The following STYX variants were observed in gnomAD, a reference collection of about 807,000 sequenced individuals.
The protein encoded by STYX is serine/threonine/tyrosine interacting protein.
Under a neutral mutation model 42.7 loss-of-function variants are expected in STYX, and 20 were observed. The ratio of observed to expected loss-of-function variants is 0.47; its 90% CI spans 0.33 to 0.68. The LOEUF (loss-of-function observed/expected upper bound fraction) is 0.68, where lower values mean the gene tolerates loss of function less well. STYX is among the 30% of genes least tolerant of loss of function. The pLI, the probability that STYX is intolerant of heterozygous loss-of-function variation, is 0.02. For synonymous variants in STYX, 78 were observed against 81.9 expected, an observed-to-expected ratio of 0.95 and a Z score of 0.26; for missense variants, 226 against 268.5, an observed-to-expected ratio of 0.84 and a Z score of 1.11.
rs993505734 is a variant in STYX, at chr14:52,771,890, T to G, written c.*784T>G. The stretch of plus-strand genomic sequence containing the variant: ...ATAGTGTTAGATTTTCGAGTGACTT[T>G]CCTTTTTGCATTTTTTGGCAGTAAA... On this transcript the variant is annotated 3_prime_UTR_variant, in exon 11 of 11. Coordinates refer to ENST00000354586, the MANE Select transcript of STYX (RefSeq NM_145251.4). 3.3e-5 allele frequency: 5 copies of G among 152,556 alleles called. No individual in the cohort carries two copies. Among genetic ancestry groups the G allele is most frequent in the African/African-American group, 1.2e-4 (5 of 41,462 alleles). 9.5% of individuals were successfully genotyped at this position (152,556 alleles called of 1,614,324 possible).
At chr14:52,731,395 G>T (rs926248691) in intron 1 of STYX, among the ~76,000 whole-genome samples, 3 of 147,518 alleles carry the variant, frequency 2.0e-5, no homozygotes, top group African/African-American at 7.5e-5. Context: ...AATTTATTCC[G>T]AATATTTATT....
chr14:52,769,577 A>G (rs1396069642), intron 10 of STYX, among the ~76,000 whole-genome samples: 1 of 152,108 alleles, frequency 6.6e-6, no homozygotes, highest in Non-Finnish European at 1.5e-5. Flanking sequence ...TTTGCACTCT[A>G]CTGCACTGCC....
At chr14:52,770,120 A>C (rs1266303147) in intron 10 of STYX, among the ~76,000 whole-genome samples, 1 of 152,022 alleles carries the variant, frequency 6.6e-6, no homozygotes, top group Non-Finnish European at 1.5e-5. Context: ...TTTAACCCCT[A>C]GTCATTTGGA....
In STYX at chr14:52,730,411, G is replaced by A; in HGVS notation, c.-64G>A. 1.3e-6 allele frequency: 2 copies of A among 1,578,798 alleles called. No individual in the cohort carries two copies. Among genetic ancestry groups the A allele is most frequent in the Non-Finnish European group, 1.7e-6 (2 of 1,157,158 alleles). ...CTCCTTCCTTCCGCCGCCGCAGCCA[G>A]CCCGAGGGTCGGCCGGCTGTGTAAC... On this transcript the variant is annotated 5_prime_UTR_variant, in exon 1 of 11. Coordinates refer to ENST00000354586, the MANE Select transcript of STYX (RefSeq NM_145251.4).
At chr14:52,763,388 G>A (rs553976393) in intron 9 of STYX, among the ~76,000 whole-genome samples, 3 of 151,938 alleles carry the variant, frequency 2.0e-5, no homozygotes, top group African/African-American at 4.8e-5. Context: ...CTGCTTCCTT[G>A]GTACTTTGCT....
At chr14:52,763,201 T>A (rs766815690) in intron 9 of STYX, among the ~76,000 whole-genome samples, 2 of 152,124 alleles carry the variant, frequency 1.3e-5, no homozygotes, top group Non-Finnish European at 2.9e-5. Flanking sequence ...CTGGTTTGAT[T>A]TTCTGATACC....
intron 10 of STYX, among the ~76,000 whole-genome samples, chr14:52,770,543 A>G (rs978329011): frequency 3.9e-5 from 6 of 152,118 alleles, no homozygotes; most frequent in Non-Finnish European, 8.8e-5. Context: ...TATATGCTAC[A>G]TGCCTTCCTT....
intron 4 of STYX, among the ~76,000 whole-genome samples, chr14:52,753,067 T>C (rs1288050380): frequency 6.8e-6 from 1 of 147,888 alleles, no homozygotes; most frequent in African/African-American, 2.5e-5. Context: ...TTTTTTTTTT[T>C]TTGGACAGAG....
chr14:52,750,743 G>A lies in STYX; in HGVS notation c.205G>A (p.Ala69Thr), dbSNP rs2139904047. The A allele has an allele frequency of 6.3e-7, 1 of 1,594,364 alleles. No individual in the cohort carries two copies. The highest frequency in any genetic ancestry group is 8.5e-7 in the Non-Finnish European group (1 of 1,172,034). The change falls in exon 4 of 11, where the codon GCA becomes ACA. Residue 69 changes from alanine to threonine, a missense_variant. Physicochemically the swap from Ala to Thr is moderately conservative, Grantham distance 58. Coordinates refer to ENST00000354586, the MANE Select transcript of STYX (RefSeq NM_145251.4). ...AATATGCATACGACAAAATATTGAA[G>A]CAAACTTTATTAAACCAAACTTTCA... is the stretch of plus-strand genomic sequence containing the variant. ...HIICIRQNIE[A>T]NFIKPNFQQL...
At chr14:52,742,305 C>G (rs546468267) in intron 1 of STYX, among the ~76,000 whole-genome samples, 23 of 152,258 alleles carry the variant, frequency 1.5e-4, no homozygotes, top group Admixed American at 1.4e-3. Flanking sequence ...TTTGGGAGTT[C>G]TAGCTTTTTG....
chr14:52,768,725 G>A (rs1426799845), intron 9 of STYX, 115 bp from the exon 10 acceptor site: 2 of 627,166 alleles, frequency 3.2e-6, no homozygotes, highest in South Asian at 3.3e-5. Context: ...AAACAATATG[G>A]CACTAGATTT....
In STYX at chr14:52,730,221, T is replaced by C; in HGVS notation, c.-254T>C. 1.8e-6 allele frequency: 1 copy of C among 560,758 alleles called. No individual in the cohort carries two copies. Among genetic ancestry groups the C allele is most frequent in the Admixed American group, 3.2e-5 (1 of 31,544 alleles). The allele number at this position is 560,758 out of a possible 1,614,324, so 34.7% of individuals were successfully genotyped here. A position where few individuals can be genotyped will look rare whatever the true frequency, so the allele number is the denominator to read the frequency against. Reference sequence around the variant, plus strand: ...TGGGCGGCCTGAGGGGTACGGAGACTCTGGGGGAGGGAGACGGCAGCGGCA... The same window carrying C: ...TGGGCGGCCTGAGGGGTACGGAGACCCTGGGGGAGGGAGACGGCAGCGGCA... On this transcript the variant is annotated 5_prime_UTR_variant, in exon 1 of 11. Coordinates refer to ENST00000354586, the MANE Select transcript of STYX (RefSeq NM_145251.4).
chr14:52,739,246 G>A (rs1293610504), intron 1 of STYX, among the ~76,000 whole-genome samples: 1 of 151,832 alleles, frequency 6.6e-6, no homozygotes, highest in East Asian at 1.9e-4. Flanking sequence ...GATGGTAGAG[G>A]GAAAGTCTTC....
rs539197913 is a variant in STYX at position 52,734,682 on chromosome 14, A to G, written c.57+4151A>G. 1.6e-4 allele frequency among the ~76,000 whole-genome samples: 25 copies of G among 152,340 alleles called. No individual in the cohort carries two copies. In the East Asian group the frequency reaches 4.0e-3, roughly 25 times the overall value. On this transcript the variant is annotated intron_variant, in intron 1 of 10. Coordinates refer to ENST00000354586, the MANE Select transcript of STYX (RefSeq NM_145251.4). ...AATGATGCAAGTATTGTCTGCTGAA[A>G]GCCAATTCGTTCCGTATTTCTTAAT... is the stretch of plus-strand genomic sequence containing the variant.
At position 52,773,985 on chromosome 14, in the gene STYX, A is replaced by G. The variant is rs185659787; in HGVS notation, c.*2879A>G. 3 of 152,370 alleles carry G rather than the reference A, an allele frequency of 2.0e-5. No homozygotes were observed. The highest frequency in any genetic ancestry group is 1.9e-4 in the East Asian group (1 of 5,192). The allele number at this position is 152,370 out of a possible 1,614,324, so 9.4% of individuals were successfully genotyped here. On this transcript the variant is annotated 3_prime_UTR_variant, in exon 11 of 11. Coordinates refer to ENST00000354586, the MANE Select transcript of STYX (RefSeq NM_145251.4). ...CTGTATTACTGTCCATTTTGAAAATATGAAACTTGAGTATTGAAAATATTC... is the reference window on the plus strand; with the variant it reads ...CTGTATTACTGTCCATTTTGAAAATGTGAAACTTGAGTATTGAAAATATTC...
At chr14:52,733,776 C>T (rs1880831248) in intron 1 of STYX, among the ~76,000 whole-genome samples, 1 of 152,072 alleles carries the variant, frequency 6.6e-6, no homozygotes, top group Non-Finnish European at 1.5e-5. Flanking sequence ...AGGTTCTTGG[C>T]GTTTTGAACA....
chr14:52,761,905 C>A (rs1377203340), intron 9 of STYX, among the ~76,000 whole-genome samples: 1 of 138,060 alleles, frequency 7.2e-6, no homozygotes, highest in Non-Finnish European at 1.5e-5. Flanking sequence ...ATTAGCCAGG[C>A]GTGGTGGCAG....
In STYX at chr14:52,768,926, T is replaced by C; in HGVS notation, c.591T>C (p.Gly197=). ...AAAGGTCATTATCTGTTCATTCTGG[T>C]ACCACAGGTAAGGATTTTTTTCTTT... The part of the protein sequence containing the change: ...QIERSLSVHS[G]TTGSLKRTHE... Residue 197 remains glycine (G), a synonymous_variant, in exon 10 of 11, where the codon GGT becomes GGC. Coordinates refer to ENST00000354586, the MANE Select transcript of STYX (RefSeq NM_145251.4). 6.4e-7 allele frequency: 1 copy of C among 1,570,318 alleles called. No individual in the cohort carries two copies. The highest frequency in any genetic ancestry group is 8.6e-7 in the Non-Finnish European group (1 of 1,162,882).
At chr14:52,762,344 C>T (rs375776967) in intron 9 of STYX, among the ~76,000 whole-genome samples, 87 of 152,108 alleles carry the variant, frequency 5.7e-4, no homozygotes, top group African/African-American at 1.9e-3. Flanking sequence ...TTGAAGTTTT[C>T]TTTTTTAAGG....
Sources: gnomAD v4.1 joint callset for allele counts (sites outside exome capture counted in the v4.1 genomes callset) on GRCh38, gnomAD v4.1.1 for gene constraint, MANE v1.5 for transcripts, NCBI Gene and HGNC (gene_info 2026-07-23, HGNC 2026-07-21) for gene names.